The following PLA2R1 variants were observed in gnomAD, a reference collection of about 807,000 sequenced individuals.
The protein encoded by PLA2R1 is secretory phospholipase A2 receptor.
In PLA2R1, 158 loss-of-function variants were observed where a neutral mutation model predicts 195.9. That is an observed-to-expected ratio of 0.81 (90% CI 0.71 to 0.92). The LOEUF is 0.92. PLA2R1 is among the 40% of genes least tolerant of loss of function. The pLI is 0.00. For missense variants in PLA2R1, 1,626 were observed against 1,764.6 expected (o/e 0.92, Z 1.41); for synonymous variants, 586 against 598.2 (o/e 0.98, Z 0.30).
At chr2:160,012,443 C>A (rs892908826) in intron 10 of PLA2R1, among the ~76,000 whole-genome samples, 1 of 152,116 alleles carries the variant, frequency 6.6e-6, no homozygotes, top group African/African-American at 2.4e-5. Flanking sequence ...GTAAAAAGGG[C>A]ACAGTCTCTG....
At chr2:160,033,706 A>C (rs1461331188) in intron 3 of PLA2R1, among the ~76,000 whole-genome samples, 1 of 152,218 alleles carries the variant, frequency 6.6e-6, no homozygotes, top group Non-Finnish European at 1.5e-5. Flanking sequence ...ACACTGGCCG[A>C]AGATTGCATA....
rs1359442460 is a variant in PLA2R1, at chr2:159,970,178, A to G, written c.2630T>C (p.Leu877Pro). The G allele has an allele frequency of 1.9e-6, 3 of 1,609,738 alleles. No homozygotes were observed. The highest frequency in any genetic ancestry group is 2.5e-6 in the Non-Finnish European group (3 of 1,177,480). Residue 877 changes from leucine to proline, a missense_variant, in exon 18 of 30, where the codon CTT becomes CCT. Coordinates refer to ENST00000283243, the MANE Select transcript of PLA2R1 (RefSeq NM_007366.5). ...SKYGASWWIGLQEERANDEFR... is the reference protein window; with the variant it reads ...SKYGASWWIGPQEERANDEFR... ...TTCATCATTGGCTCTTTCTTCTTGA[A>G]GTCCAATCCACCAACTTGCACCATA...
chr2:159,978,949 C>T (rs566695157), intron 14 of PLA2R1, among the ~76,000 whole-genome samples: 1 of 152,260 alleles, frequency 6.6e-6, no homozygotes, highest in East Asian at 1.9e-4. Flanking sequence ...CAAATCCTGG[C>T]TCTCCTATAT....
intron 9 of PLA2R1, among the ~76,000 whole-genome samples, chr2:160,014,889 C>T (rs566376501): frequency 6.6e-6 from 1 of 152,262 alleles, no homozygotes; most frequent in South Asian, 2.1e-4. Flanking sequence ...TATTAGACTG[C>T]TCCTGTACTT....
At chr2:159,953,236 A>T (rs928104679) in intron 23 of PLA2R1, among the ~76,000 whole-genome samples, 4 of 152,224 alleles carry the variant, frequency 2.6e-5, no homozygotes, top group African/African-American at 4.8e-5. Flanking sequence ...CATTGCCCTG[A>T]AAAAGAAAGA....
At chr2:159,991,280 T>C (rs986898170) in intron 11 of PLA2R1, among the ~76,000 whole-genome samples, 11 of 152,088 alleles carry the variant, frequency 7.2e-5, no homozygotes, top group Non-Finnish European at 1.5e-4. Context: ...TATATGATTA[T>C]GAGGAGATAT....
chr2:159,954,517 T>C (rs982154941), intron 23 of PLA2R1, among the ~76,000 whole-genome samples: 1 of 149,934 alleles, frequency 6.7e-6, no homozygotes, highest in Non-Finnish European at 1.5e-5. Context: ...AATAAGTATA[T>C]ATATATATAT....
intron 17 of PLA2R1, among the ~76,000 whole-genome samples, chr2:159,975,284 A>G (rs535843213): frequency 1.3e-5 from 2 of 152,312 alleles, no homozygotes; most frequent in Non-Finnish European, 2.9e-5. Context: ...TATCTCATAC[A>G]TTTTTGCATC....
chr2:159,950,986 T>A (rs1432621024), intron 24 of PLA2R1, among the ~76,000 whole-genome samples: 1 of 152,220 alleles, frequency 6.6e-6, no homozygotes, highest in Admixed American at 6.5e-5. Context: ...TTCTTGGGGA[T>A]TCATTAAATG....
Position 160,028,894 on chromosome 2 carries a change from TG to T in PLA2R1, c.910del (p.Gln304SerfsTer11), listed in dbSNP as rs1397036465. On this transcript the variant is annotated frameshift_variant, in exon 5 of 30. Transcript: ENST00000283243. LOFTEE classifies it high-confidence loss of function. ...GTTGAGCGGCGTTCCATCAGACCAC[TG>T]CCAGCCAGCGTGTTCATCCAGCTGA... ...LNQLDEHAGW[Q>X]WSDGTPLNYL... 26 of 1,613,042 alleles carry T rather than the reference TG, an allele frequency of 1.6e-5. No individual in the cohort carries two copies. Among genetic ancestry groups the T allele is most frequent in the Non-Finnish European group, 2.2e-5 (26 of 1,179,088 alleles).
At chr2:160,001,466 C>T (rs1277332867) in intron 11 of PLA2R1, among the ~76,000 whole-genome samples, 1 of 151,884 alleles carries the variant, frequency 6.6e-6, no homozygotes, top group Admixed American at 6.6e-5. Context: ...CAATTCTATA[C>T]ATAATCACAA....
chr2:159,987,347 C>T lies in PLA2R1; in HGVS notation c.1846G>A (p.Gly616Ser). The T allele has an allele frequency of 1.1e-5, 18 of 1,610,702 alleles. No individual in the cohort carries two copies. The highest frequency in any genetic ancestry group is 1.5e-5 in the Non-Finnish European group (18 of 1,179,104). ...TGCCTTCCTCGCATGGCAACACAGCCACCACTGTAGCCTAAAAGCAGAAAA... is the reference window on the plus strand; with the variant it reads ...TGCCTTCCTCGCATGGCAACACAGCTACCACTGTAGCCTAAAAGCAGAAAA... ...WNTHQPRYSG[G>S]CVAMRGRHPL... Residue 616 changes from glycine (G) to serine (S), a missense_variant, in exon 12 of 30, where the codon GGC (glycine) becomes AGC (serine). By Grantham distance (56) the Gly-to-Ser change is moderately conservative. Coordinates refer to ENST00000283243, the MANE Select transcript of PLA2R1 (RefSeq NM_007366.5).
chr2:160,031,304 G>A (rs1230532630), intron 4 of PLA2R1, among the ~76,000 whole-genome samples: 1 of 152,126 alleles, frequency 6.6e-6, no homozygotes, highest in Non-Finnish European at 1.5e-5. Flanking sequence ...AAAACAAATA[G>A]TTTTATCAAT....
At chr2:159,942,047 T>C (rs1343088385) in intron 29 of PLA2R1, 55 bp from the exon 30 acceptor site, 2 of 1,557,590 alleles carry the variant, frequency 1.3e-6, no homozygotes, top group African/African-American at 2.7e-5. Flanking sequence ...GATGAAGTAA[T>C]ATAGATACTG....
chr2:160,003,693 A>G (rs891769429), intron 11 of PLA2R1, among the ~76,000 whole-genome samples: 28 of 152,206 alleles, frequency 1.8e-4, no homozygotes, highest in African/African-American at 6.5e-4. Context: ...TTGTTAGATG[A>G]ACTTGTAAAC....
chr2:159,961,744 ACTCTCTACGTG>A (rs1325854547), intron 20 of PLA2R1, among the ~76,000 whole-genome samples: 2 of 151,888 alleles, frequency 1.3e-5, no homozygotes, highest in Non-Finnish European at 2.9e-5. Context: ...ATAGATACAC[ACTCTCTACGTG>A]TGTACAGGAG....
At chr2:160,022,947 T>C in intron 6 of PLA2R1, 88 bp from the exon 7 acceptor site, 3 of 897,756 alleles carry the variant, frequency 3.3e-6, no homozygotes, top group South Asian at 1.8e-5. Context: ...ATTAATATGA[T>C]TACTTTAAAA....
intron 8 of PLA2R1, 79 bp from the exon 9 acceptor site, chr2:160,016,791 A>AT (rs1692803356): frequency 1.4e-6 from 1 of 727,860 alleles, no homozygotes; most frequent in Admixed American, 2.1e-5. Context: ...TATAAAAAAA[A>AT]TATGATGAAT....
chr2:159,975,462 A>T (rs764936104), intron 17 of PLA2R1, among the ~76,000 whole-genome samples: 1 of 152,080 alleles, frequency 6.6e-6, no homozygotes, highest in Non-Finnish European at 1.5e-5. Flanking sequence ...TCTCTACTTT[A>T]AGTTGAAATA....
Sources: gnomAD v4.1 joint callset for allele counts (sites outside exome capture counted in the v4.1 genomes callset) on GRCh38, gnomAD v4.1.1 for gene constraint, MANE v1.5 for transcripts, NCBI Gene and HGNC (gene_info 2026-07-23, HGNC 2026-07-21) for gene names.